ABCE1: variants seen among roughly 807,000 people sequenced by gnomAD.
ABCE1 encodes ATP binding cassette subfamily E member 1, also known as ATP-binding cassette sub-family E member 1.
In ABCE1, 22 loss-of-function variants were observed where a neutral mutation model predicts 83.4. That is an observed-to-expected ratio of 0.26 (90% CI 0.19 to 0.38). The LOEUF is 0.38. Among genes scored for constraint, ABCE1 ranks in the 10% least tolerant of loss-of-function variants. The pLI is 1.00. For synonymous variants in ABCE1, 204 were observed against 233.7 expected, an observed-to-expected ratio of 0.87 and a Z score of 1.16; for missense variants, 330 against 721.9, an observed-to-expected ratio of 0.46 and a Z score of 6.22.
chr4:145,115,369 A>G (rs776919171), intron 9 of ABCE1, among the ~76,000 whole-genome samples: 1 of 151,974 alleles, frequency 6.6e-6, no homozygotes, highest in Non-Finnish European at 1.5e-5. Context: ...GAAGTATTCC[A>G]TGTAATGGAT....
intron 8 of ABCE1, among the ~76,000 whole-genome samples, chr4:145,111,280 C>G (rs1468455304): frequency 6.6e-6 from 1 of 152,174 alleles, no homozygotes; most frequent in Admixed American, 6.5e-5. Flanking sequence ...TAGTTTATAA[C>G]TGATAGGTGC....
chr4:145,109,675 T>C (rs1004203690), intron 5 of ABCE1, among the ~76,000 whole-genome samples: 5 of 152,218 alleles, frequency 3.3e-5, no homozygotes, highest in African/African-American at 4.8e-5. Flanking sequence ...GTAGATATTA[T>C]AAAATGGAGC....
At position 145,123,070 on chromosome 4, in the gene ABCE1, A is replaced by G; in HGVS notation, c.1313A>G (p.His438Arg). ...GAAAAGATAAGAGATGCTTATACTC[A>G]CCCACAATTTGTGACCGATGTAATG... ...LHEKIRDAYT[H>R]PQFVTDVMKP... is the part of the protein sequence containing the mutation. Residue 438 changes from histidine (H) to arginine (R), a missense_variant, in exon 14 of 18, where the codon CAC (histidine) becomes CGC (arginine). By Grantham distance (29) the His-to-Arg change is conservative. Coordinates refer to ENST00000296577, the MANE Select transcript of ABCE1 (RefSeq NM_002940.3). 1 of 1,606,600 alleles carries G rather than the reference A, an allele frequency of 6.2e-7. No individual in the cohort carries two copies. The highest frequency in any genetic ancestry group is 8.5e-7 in the Non-Finnish European group (1 of 1,177,832).
Position 145,104,442 on chromosome 4 carries a change from T to C in ABCE1, c.30T>C (p.Ile10=). Residue 10 remains isoleucine (I), a synonymous_variant, in exon 2 of 18, where the codon ATT becomes ATC. Transcript: ENST00000296577. MADKLTRIA[I]VNHDKCKPKK... The stretch of plus-strand genomic sequence containing the variant: ...CAGACAAGTTAACGAGAATTGCTAT[T>C]GTCAACCATGACAAATGTAAACCTA... 4 of 1,602,402 alleles carry C rather than the reference T, an allele frequency of 2.5e-6. No individual in the cohort carries two copies. Among genetic ancestry groups the C allele is most frequent in the Non-Finnish European group, 3.4e-6 (4 of 1,175,022 alleles).
Position 145,128,620 on chromosome 4 carries a change from T to C in ABCE1, c.*1047T>C, listed in dbSNP as rs1470042372. On this transcript the variant is annotated 3_prime_UTR_variant, in exon 18 of 18. Transcript: ENST00000296577. ...TTGTAGTTCCAAAAACCCATCTAAA[T>C]TTCTTGAGTTCCTGAATTTTGAACA... The C allele has an allele frequency of 1.3e-5, 2 of 152,196 alleles. No homozygotes were observed. Among genetic ancestry groups the C allele is most frequent in the Non-Finnish European group, 2.9e-5 (2 of 68,030 alleles). The allele number at this position is 152,196 out of a possible 1,614,324, so 9.4% of individuals were successfully genotyped here. A position where few individuals can be genotyped will look rare whatever the true frequency, so the allele number is the denominator to read the frequency against.
At chr4:145,111,170 A>T (rs553840028) in intron 8 of ABCE1, 106 bp downstream of exon 8, 4 of 687,194 alleles carry the variant, frequency 5.8e-6, no homozygotes, top group East Asian at 5.8e-5. Context: ...TAGAAATAGT[A>T]TCTAAGTTCC....
chr4:145,125,112 A>C lies in ABCE1; in HGVS notation c.1752+11A>C. The stretch of plus-strand genomic sequence containing the variant: ...CTTAATTCAATTAAGGTATGTAGAA[A>C]AGTTGTCTTAAATCATGGATTACTG... On this transcript the variant is annotated intron_variant, in intron 17 of 17. Transcript: ENST00000296577. The C allele has an allele frequency of 6.4e-7, 1 of 1,552,714 alleles. No homozygotes were observed. The highest frequency in any genetic ancestry group is 1.1e-5 in the South Asian group (1 of 88,930).
At chr4:145,107,099 G>A (rs1327368484) in intron 3 of ABCE1, among the ~76,000 whole-genome samples, 1 of 151,936 alleles carries the variant, frequency 6.6e-6, no homozygotes, top group African/African-American at 2.4e-5. Flanking sequence ...TCCTGTTTTT[G>A]CTGTTCTTGT....
intron 17 of ABCE1, among the ~76,000 whole-genome samples, chr4:145,126,910 A>T (rs774764027): frequency 2.6e-5 from 4 of 152,166 alleles, no homozygotes; most frequent in Non-Finnish European, 4.4e-5. Flanking sequence ...GAGTTTTCTC[A>T]GTTTTGAAAA....
At chr4:145,108,166 T>TGGGATTTTAA in intron 4 of ABCE1, 54 bp downstream of exon 4, 2 of 1,521,942 alleles carry the variant, frequency 1.3e-6, no homozygotes, top group South Asian at 2.3e-5. Context: ...AAAATACATT[T>TGGGATTTTAA]GGGATTTTAA....
rs756870180 is a variant in ABCE1 at position 145,108,083 on chromosome 4, A to T, written c.258A>T (p.Arg86=). 17 of 1,613,588 alleles carry T rather than the reference A, an allele frequency of 1.1e-5. No homozygotes were observed. Among genetic ancestry groups the T allele is most frequent in the Non-Finnish European group, 1.3e-5 (15 of 1,179,734 alleles). The change falls in exon 4 of 18, where the codon CGA becomes CGT. Residue 86 remains arginine (R), a synonymous_variant. Transcript: ENST00000296577. The part of the protein sequence containing the change: ...PSNLEKETTH[R]YCANAFKLHR... ...ACTTGGAAAAAGAAACCACACATCG[A>T]TATTGTGCCAATGCCTTCAAACTTC...
At chr4:145,107,007 G>T (rs1427622909) in intron 3 of ABCE1, among the ~76,000 whole-genome samples, 3 of 151,952 alleles carry the variant, frequency 2.0e-5, no homozygotes, top group East Asian at 3.9e-4. Flanking sequence ...ATAACATGAG[G>T]TTATAATTTT....
intron 16 of ABCE1, among the ~76,000 whole-genome samples, 153 bp from the exon 17 acceptor site, chr4:145,124,837 A>G (rs914249477): frequency 6.6e-6 from 1 of 152,182 alleles, no homozygotes; most frequent in African/African-American, 2.4e-5. Flanking sequence ...TTCTGAACAC[A>G]GGATTTGTAA....
At chr4:145,123,647 C>T (rs1749800639) in intron 16 of ABCE1, 47 bp downstream of exon 16, 1 of 1,507,572 alleles carries the variant, frequency 6.6e-7, no homozygotes, top group Admixed American at 2.0e-5. Context: ...TTTAAATTTT[C>T]CAGTAAATAG....
At chr4:145,113,371 G>A (rs1405036547) in intron 9 of ABCE1, among the ~76,000 whole-genome samples, 2 of 152,146 alleles carry the variant, frequency 1.3e-5, no homozygotes, top group African/African-American at 2.4e-5. Context: ...CCAGCAGCTC[G>A]CCTGGCTATG....
intron 5 of ABCE1, 87 bp from the exon 6 acceptor site, chr4:145,110,016 A>G (rs527933023): frequency 2.5e-6 from 3 of 1,199,320 alleles, no homozygotes; most frequent in Non-Finnish European, 3.4e-6. Flanking sequence ...TTCTATTTGC[A>G]TATATAATCT....
chr4:145,126,279 T>A (rs980774431), intron 17 of ABCE1, among the ~76,000 whole-genome samples: 2 of 152,034 alleles, frequency 1.3e-5, no homozygotes, highest in Non-Finnish European at 2.9e-5. Flanking sequence ...TCTGGGTTGT[T>A]TTTTTGGTTT....
intron 10 of ABCE1, among the ~76,000 whole-genome samples, chr4:145,118,246 T>G (rs1749655283): frequency 6.7e-6 from 1 of 149,890 alleles, no homozygotes; most frequent in African/African-American, 2.4e-5. Flanking sequence ...TTTTGGTTTC[T>G]TTCTTTCTTT....
chr4:145,100,903 G>C (rs1416911960), intron 1 of ABCE1, among the ~76,000 whole-genome samples: 2 of 151,956 alleles, frequency 1.3e-5, no homozygotes, highest in Non-Finnish European at 1.5e-5. Flanking sequence ...GATCTCCTGT[G>C]TGCTAGGCAC....
Sources: gnomAD v4.1 joint callset for allele counts (sites outside exome capture counted in the v4.1 genomes callset) on GRCh38, gnomAD v4.1.1 for gene constraint, MANE v1.5 for transcripts, NCBI Gene and HGNC (gene_info 2026-07-23, HGNC 2026-07-21) for gene names.